Variants in GLS observed in about 807,000 individuals in gnomAD.
The protein encoded by GLS is glutaminase kidney isoform, mitochondrial.
GLS carries 36 observed loss-of-function variants against 86.7 expected under a neutral mutation model. The observed-to-expected ratio is 0.42, with a 90% confidence interval of 0.32 to 0.55. The LOEUF (loss-of-function observed/expected upper bound fraction) is 0.55, where lower values mean the gene tolerates loss of function less well. Ranked by LOEUF, GLS falls within the 20% of genes least tolerant of loss-of-function variation. The pLI, the probability that GLS is intolerant of heterozygous loss-of-function variation, is 0.17. For synonymous variants in GLS, 317 were observed against 305.9 expected, an observed-to-expected ratio of 1.04 and a Z score of -0.38; for missense variants, 528 against 833.4, an observed-to-expected ratio of 0.63 and a Z score of 4.51.
At chr2:190,916,144 TTA>T (rs1300826169) in intron 7 of GLS, among the ~76,000 whole-genome samples, 1 of 152,122 alleles carries the variant, frequency 6.6e-6, no homozygotes, top group African/African-American at 2.4e-5. Flanking sequence ...TAAAAATCAA[TTA>T]CTGTTTCAAA....
chr2:190,900,705 G>T lies in GLS; in HGVS notation c.735+12G>T. 1 of 1,594,792 alleles carries T rather than the reference G, an allele frequency of 6.3e-7. No homozygotes were observed. The highest frequency in any genetic ancestry group is 1.1e-5 in the South Asian group (1 of 90,172). ...AGTCTGGAGGAAAGGTAATGCTTTTGATGTACATATTTTCATAACCGAATC... is the reference window on the plus strand; with the variant it reads ...AGTCTGGAGGAAAGGTAATGCTTTTTATGTACATATTTTCATAACCGAATC... On this transcript the variant is annotated intron_variant, in intron 4 of 17. Transcript: ENST00000320717.
chr2:190,881,095 T>G lies in GLS; in HGVS notation c.11T>G (p.Leu4Arg). 2 of 1,561,382 alleles carry G rather than the reference T, an allele frequency of 1.3e-6. No homozygotes were observed. Among genetic ancestry groups the G allele is most frequent in the Non-Finnish European group, 1.7e-6 (2 of 1,161,218 alleles). Reference protein sequence around the residue: MMRLRGSGMLRDLL... With the variant: MMRRRGSGMLRDLL... ...GACGGACCCGGCGGCATGATGCGGC[T>G]GCGAGGCTCGGGGATGCTGCGGGAC... The change falls in exon 1 of 18, where the codon CTG becomes CGG. Residue 4 changes from leucine to arginine, a missense_variant. Leu to Arg is a moderately radical substitution (Grantham distance 102, BLOSUM62 -2). This residue lies in a region of GLS where 224 missense variants were observed against 187.9 expected (regional missense o/e 1.19). Transcript: ENST00000320717.
chr2:190,882,664 GTTC>G (rs1688242321), intron 1 of GLS, among the ~76,000 whole-genome samples: 4 of 152,084 alleles, frequency 2.6e-5, no homozygotes, highest in Admixed American at 2.0e-4. Context: ...CTTTTCTAAA[GTTC>G]TTCTCCCAGA....
chr2:190,909,557 A>C (rs1689285965), intron 6 of GLS, among the ~76,000 whole-genome samples: 1 of 152,162 alleles, frequency 6.6e-6, no homozygotes, highest in Non-Finnish European at 1.5e-5. Flanking sequence ...ACTGTCCCCA[A>C]GATTTTATTT....
chr2:190,891,155 C>A (rs570285454), intron 1 of GLS, among the ~76,000 whole-genome samples: 2 of 151,910 alleles, frequency 1.3e-5, no homozygotes, highest in South Asian at 4.1e-4. Context: ...TTTCCCCTAC[C>A]GATTAAGGCA....
rs909366622 is a variant in GLS, at chr2:190,930,017, G to A, written c.1426-420G>A. ...TGCACTTTGGGAGGCTGAGGCGGGC[G>A]GATCACAAGGTCAGGAGATAATTTT... is the stretch of plus-strand genomic sequence containing the variant. On this transcript the variant is annotated intron_variant, in intron 12 of 17. Coordinates refer to ENST00000320717, the MANE Select transcript of GLS (RefSeq NM_014905.5). The surrounding 1 kb of genome is among the most constrained non-coding windows in gnomAD (Gnocchi z 5.0). Among the ~76,000 whole-genome samples, 2 of 151,360 alleles carry A rather than the reference G, an allele frequency of 1.3e-5. No individual in the cohort carries two copies. The highest frequency in any genetic ancestry group is 1.9e-4 in the East Asian group (1 of 5,160).
rs936593069 is a variant in GLS at position 190,953,871 on chromosome 2, G to A, written c.1712+245G>A. ...AAGTAGTAACTGTTCAGCTAATCTG[G>A]CTAATTAGTACCAGTGGCTTACTGG... On this transcript the variant is annotated intron_variant, in intron 15 of 17. Transcript: ENST00000320717. The surrounding 1 kb of genome is among the most constrained non-coding windows in gnomAD (Gnocchi z 4.0). 3.3e-5 allele frequency among the ~76,000 whole-genome samples: 5 copies of A among 151,494 alleles called. No individual in the cohort carries two copies. Among genetic ancestry groups the A allele is most frequent in the Non-Finnish European group, 7.4e-5 (5 of 67,952 alleles).
chr2:190,950,085 G>T (rs1690680363), intron 14 of GLS, among the ~76,000 whole-genome samples: 1 of 151,870 alleles, frequency 6.6e-6, no homozygotes, highest in Non-Finnish European at 1.5e-5. Context: ...GAGAACATTT[G>T]AATGGAGACC....
intron 17 of GLS, among the ~76,000 whole-genome samples, chr2:190,957,014 TG>T (rs200446808): frequency 0.011 from 1,722 of 152,302 alleles, 15 homozygotes; most frequent in Non-Finnish European, 0.017. Context: ...GCCGAGATGA[TG>T]GGGTTTTGTA....
At chr2:190,900,446 T>C in intron 3 of GLS, 118 bp from the exon 4 acceptor site, 1 of 479,788 alleles carries the variant, frequency 2.1e-6, no homozygotes, top group Non-Finnish European at 3.6e-6. Flanking sequence ...TAGAATTTAG[T>C]TGTATAAAAT....
At chr2:190,917,484 G>C (rs1005590724) in intron 7 of GLS, among the ~76,000 whole-genome samples, 3 of 152,084 alleles carry the variant, frequency 2.0e-5, no homozygotes, top group African/African-American at 7.3e-5. Context: ...TGTTAATATT[G>C]ATATTTCGAC....
chr2:190,945,560 G>A (rs1488565292), intron 14 of GLS, among the ~76,000 whole-genome samples: 1 of 151,944 alleles, frequency 6.6e-6, no homozygotes, highest in Non-Finnish European at 1.5e-5. Context: ...AGCTGTTCAG[G>A]AGGCTGAGTT....
In GLS at chr2:190,964,148, CATTTT is replaced by C. The variant is rs1691067229; in HGVS notation, c.*1164_*1168del. The C allele has an allele frequency of 6.6e-6, 1 of 152,152 alleles. No individual in the cohort carries two copies. Among genetic ancestry groups the C allele is most frequent in the South Asian group, 2.1e-4 (1 of 4,816 alleles). 9.4% of individuals were successfully genotyped at this position (152,152 alleles called of 1,614,324 possible). ...TTTAATAATAAGAAAAAGGCCATTTCATTTTAAATTGTGACCTATAATTCTTTGTC... is the reference window on the plus strand; with the variant it reads ...TTTAATAATAAGAAAAAGGCCATTTCAAATTGTGACCTATAATTCTTTGTC... On this transcript the variant is annotated 3_prime_UTR_variant, in exon 18 of 18. Coordinates refer to ENST00000320717, the MANE Select transcript of GLS (RefSeq NM_014905.5). The surrounding 1 kb of genome is among the most constrained non-coding windows in gnomAD (Gnocchi z 5.2).
rs776655799 is a variant in GLS, at chr2:190,962,921, C to G, written c.1945C>G (p.Gln649Glu). ...LQEYQVQYTP[Q>E]GDSDNGKENQ... ...AGAATACCAAGTCCAGTACACACCTCAAGGAGATTCTGACAACGGGAAGGA... is the reference window on the plus strand; with the variant it reads ...AGAATACCAAGTCCAGTACACACCTGAAGGAGATTCTGACAACGGGAAGGA... Residue 649 changes from glutamine to glutamate, a missense_variant, in exon 18 of 18, where the codon CAA (glutamine) becomes GAA (glutamate). Around this residue, in one of 4 missense-constraint regions of GLS, gnomAD observed 30 missense variants for 36.9 expected, o/e 0.81. Coordinates refer to ENST00000320717, the MANE Select transcript of GLS (RefSeq NM_014905.5). The surrounding 1 kb of genome is among the most constrained non-coding windows in gnomAD (Gnocchi z 4.2). The G allele has an allele frequency of 6.2e-7, 1 of 1,609,800 alleles. No individual in the cohort carries two copies. Among genetic ancestry groups the G allele is most frequent in the South Asian group, 1.1e-5 (1 of 90,540 alleles).
At position 190,954,530 on chromosome 2, in the gene GLS, T is replaced by A; in HGVS notation, c.1713-54T>A. On this transcript the variant is annotated intron_variant, in intron 15 of 17. Coordinates refer to ENST00000320717, the MANE Select transcript of GLS (RefSeq NM_014905.5). The surrounding 1 kb of genome is among the most constrained non-coding windows in gnomAD (Gnocchi z 4.0). The stretch of plus-strand genomic sequence containing the variant: ...GAACTGATGGAGTGAATGTTACCAG[T>A]GTGAATTAAATTTGCTTTATATATA... 1 of 1,145,976 alleles carries A rather than the reference T, an allele frequency of 8.7e-7. No homozygotes were observed. The highest frequency in any genetic ancestry group is 1.3e-6 in the Non-Finnish European group (1 of 776,412). 71.0% of individuals were successfully genotyped at this position (1,145,976 alleles called of 1,614,324 possible).
chr2:190,920,442 A>C lies in GLS; in HGVS notation c.1039-582A>C, dbSNP rs1338386330. Among the ~76,000 whole-genome samples, 1 of 151,864 alleles carries C rather than the reference A, an allele frequency of 6.6e-6. No individual in the cohort carries two copies. The highest frequency in any genetic ancestry group is 1.5e-5 in the Non-Finnish European group (1 of 67,770). On this transcript the variant is annotated intron_variant, in intron 7 of 17. Transcript: ENST00000320717. The surrounding 1 kb of genome is among the most constrained non-coding windows in gnomAD (Gnocchi z 4.2). ...GTGAAATATAATTTTTTTTAGTTCA[A>C]GTATATTATAGCAAGTGAGAGCTAT...
intron 12 of GLS, among the ~76,000 whole-genome samples, chr2:190,929,828 A>G (rs909471781): frequency 6.6e-6 from 1 of 151,684 alleles, no homozygotes; most frequent in Admixed American, 6.6e-5. Flanking sequence ...TTTAATGTTG[A>G]AATTCTATGG....
intron 14 of GLS, among the ~76,000 whole-genome samples, chr2:190,937,803 C>A (rs960006534): frequency 6.7e-6 from 1 of 148,698 alleles, no homozygotes; most frequent in East Asian, 1.9e-4. Flanking sequence ...TACTAATTAG[C>A]ACTTGGATTG....
intron 14 of GLS, among the ~76,000 whole-genome samples, chr2:190,940,817 C>T (rs1161144922): frequency 6.6e-6 from 1 of 151,200 alleles, no homozygotes; most frequent in African/African-American, 2.4e-5. Flanking sequence ...TTTCTGGTAC[C>T]CAACCAATAT....
Sources: gnomAD v4.1 joint callset for allele counts (sites outside exome capture counted in the v4.1 genomes callset) on GRCh38, gnomAD v4.1.1 for gene constraint, gnomAD v4.1.1 regional missense constraint, Gnocchi (gnomAD v3.1) non-coding constraint, MANE v1.5 for transcripts, NCBI Gene and HGNC (gene_info 2026-07-23, HGNC 2026-07-21) for gene names.